The following EPB41L4A variants were observed in gnomAD, a reference collection of about 807,000 sequenced individuals.
The protein encoded by EPB41L4A is erythrocyte membrane protein band 4.1 like 4A.
Under a neutral mutation model 108.6 loss-of-function variants are expected in EPB41L4A, and 100 were observed. That is an observed-to-expected ratio of 0.92 (90% confidence interval 0.78 to 1.09). EPB41L4A has a LOEUF of 1.09. Among genes scored for constraint, EPB41L4A ranks in the 50% least tolerant of loss-of-function variants. EPB41L4A has a pLI of 0.00. For missense variants in EPB41L4A, 1,030 were observed against 842.7 expected (o/e 1.22, Z -2.75); for synonymous variants, 319 against 289.0 (o/e 1.10, Z -1.05).
At chr5:112,365,841 TTTGTC>T in intron 1 of EPB41L4A, among the ~76,000 whole-genome samples, 1 of 152,050 alleles carries the variant, frequency 6.6e-6, no homozygotes, top group Admixed American at 6.6e-5. Flanking sequence ...TCAATTTGAG[TTTGTC>T]TTAAGATTTT....
intron 1 of EPB41L4A, among the ~76,000 whole-genome samples, chr5:112,320,422 C>T (rs1455761532): frequency 6.6e-6 from 1 of 152,240 alleles, no homozygotes; most frequent in Non-Finnish European, 1.5e-5. Flanking sequence ...AGAAACATTT[C>T]ACTGAAGTCA....
intron 12 of EPB41L4A, among the ~76,000 whole-genome samples, chr5:112,219,585 C>T (rs1285059831): frequency 1.3e-5 from 2 of 152,068 alleles, no homozygotes; most frequent in African/African-American, 4.8e-5. Context: ...GACCATAAAG[C>T]TCTAAATGTA....
At chr5:112,181,367 C>T (rs1023856913) in intron 18 of EPB41L4A, among the ~76,000 whole-genome samples, 10 of 152,070 alleles carry the variant, frequency 6.6e-5, no homozygotes, top group African/African-American at 2.2e-4. Flanking sequence ...AGGAGAATGG[C>T]GTGGAACCCG....
Position 112,205,486 on chromosome 5 carries a change from A to G in EPB41L4A, c.1197T>C (p.Asn399=). The G allele has an allele frequency of 6.2e-7, 1 of 1,610,186 alleles. No homozygotes were observed. The highest frequency in any genetic ancestry group is 8.5e-7 in the Non-Finnish European group (1 of 1,178,912). Reference sequence around the variant, plus strand: ...TTCTTTGGGTATCAGGGCTATTTTCATTCTTTGCTTTCTTAAAGCTTTAAT... The same window carrying G: ...TTCTTTGGGTATCAGGGCTATTTTCGTTCTTTGCTTTCTTAAAGCTTTAAT... The part of the protein sequence containing the change: ...SPVKSFKKAK[N]ENSPDTQRSK... The change falls in exon 14 of 23, where the codon AAT becomes AAC. Residue 399 remains asparagine (N), a synonymous_variant. Coordinates refer to ENST00000261486, the MANE Select transcript of EPB41L4A (RefSeq NM_022140.5).
At chr5:112,195,217 G>A (rs534875291) in intron 16 of EPB41L4A, among the ~76,000 whole-genome samples, 17 of 152,180 alleles carry the variant, frequency 1.1e-4, no homozygotes, top group African/African-American at 4.1e-4. Context: ...GAGAAACTAT[G>A]CAGAGAGGTC....
At chr5:112,330,587 G>A (rs529833212) in intron 1 of EPB41L4A, among the ~76,000 whole-genome samples, 22 of 152,040 alleles carry the variant, frequency 1.4e-4, no homozygotes, top group African/African-American at 5.1e-4. Flanking sequence ...AATCCATACT[G>A]CAGATGAGAA....
At chr5:112,249,861 C>T (rs1216113067) in intron 9 of EPB41L4A, among the ~76,000 whole-genome samples, 3 of 152,126 alleles carry the variant, frequency 2.0e-5, no homozygotes, top group Admixed American at 6.6e-5. Flanking sequence ...CTTTAATGCG[C>T]TAATATGTAC....
Position 112,332,232 on chromosome 5 carries a change from A to G in EPB41L4A, c.100-24742T>C, listed in dbSNP as rs115707725. 9.3e-3 allele frequency among the ~76,000 whole-genome samples: 1,416 copies of G among 152,312 alleles called. 24 individuals are homozygous for G. Among genetic ancestry groups the G allele is most frequent in the African/African-American group, 0.032 (1,351 of 41,584 alleles). On this transcript the variant is annotated intron_variant, in intron 1 of 22. Coordinates refer to ENST00000261486, the MANE Select transcript of EPB41L4A (RefSeq NM_022140.5). ...ACAGTCTTTTTGTTTTTAGTTCTCT[A>G]TTCCTAACTATCATCCCATCTTTCT... is the stretch of plus-strand genomic sequence containing the variant.
chr5:112,161,285 C>G, downstream of EPB41L4A: 1 of 340,136 alleles, frequency 2.9e-6, no homozygotes, highest in East Asian at 8.0e-5. Context: ...GAGTGATCAC[C>G]TACCCTACAG....
At chr5:112,159,914 T>C (rs1759790071), downstream of EPB41L4A, among the ~76,000 whole-genome samples, 1 of 151,186 alleles carries the variant, frequency 6.6e-6, no homozygotes, top group Admixed American at 6.6e-5. Flanking sequence ...TTTTTTTTTT[T>C]TTTTTGAGAC....
chr5:112,159,245 T>C (rs1759761941), downstream of EPB41L4A, among the ~76,000 whole-genome samples: 1 of 152,178 alleles, frequency 6.6e-6, no homozygotes, highest in Non-Finnish European at 1.5e-5. Flanking sequence ...ACTTGATGTG[T>C]TCGGAGATAA....
chr5:112,385,478 G>C (rs929242396), intron 1 of EPB41L4A, among the ~76,000 whole-genome samples: 2 of 124,472 alleles, frequency 1.6e-5, no homozygotes, highest in African/African-American at 6.1e-5. Context: ...TTAAGCCTCT[G>C]AACTGCCAGC....
At chr5:112,229,387 T>C (rs1186519897) in intron 12 of EPB41L4A, among the ~76,000 whole-genome samples, 3 of 152,158 alleles carry the variant, frequency 2.0e-5, no homozygotes, top group Non-Finnish European at 2.9e-5. Context: ...TAAATAACTC[T>C]TGTGGGGTAT....
At chr5:112,241,547 A>T (rs1749786957) in intron 9 of EPB41L4A, among the ~76,000 whole-genome samples, 1 of 152,228 alleles carries the variant, frequency 6.6e-6, no homozygotes, top group South Asian at 2.1e-4. Context: ...AATCAAAAAT[A>T]TTCAGAAAAA....
rs572085564 is a variant in EPB41L4A at position 112,193,959 on chromosome 5, C to T, written c.1502+609G>A. Among the ~76,000 whole-genome samples, 5 of 152,282 alleles carry T rather than the reference C, an allele frequency of 3.3e-5. No individual in the cohort carries two copies. In the East Asian group the frequency reaches 9.7e-4, roughly 29 times the overall value. The stretch of plus-strand genomic sequence containing the variant: ...CCCAAGGTGCTCTTTTCATTAATGA[C>T]ACAAATACTTCTTGTTTTCGAGTGC... On this transcript the variant is annotated intron_variant, in intron 17 of 22. Transcript: ENST00000261486.
chr5:112,232,245 G>C (rs1419340503), intron 12 of EPB41L4A, among the ~76,000 whole-genome samples: 3 of 152,098 alleles, frequency 2.0e-5, no homozygotes, highest in Admixed American at 1.3e-4. Context: ...TTTGTCCTCT[G>C]ATGCCCATGT....
At chr5:112,332,908 C>T (rs1292452356) in intron 1 of EPB41L4A, among the ~76,000 whole-genome samples, 1 of 152,202 alleles carries the variant, frequency 6.6e-6, no homozygotes, top group African/African-American at 2.4e-5. Flanking sequence ...AACATACCAT[C>T]AAGACATTAG....
At chr5:112,160,058 C>T (rs1429944557), downstream of EPB41L4A, among the ~76,000 whole-genome samples, 9 of 151,338 alleles carry the variant, frequency 5.9e-5, 3 homozygotes, top group Admixed American at 5.9e-4. Context: ...TTATAGACGC[C>T]CGCCACCAAG....
rs1752568036 is a variant in EPB41L4A, at chr5:112,275,489, T to C, written c.257-85A>G. On this transcript the variant is annotated intron_variant, in intron 3 of 22. Coordinates refer to ENST00000261486, the MANE Select transcript of EPB41L4A (RefSeq NM_022140.5). ...ATAATATTATACAGCTATTTACAATTACACTCCAAGATTGTCTAAAGAAAC... is the reference window on the plus strand; with the variant it reads ...ATAATATTATACAGCTATTTACAATCACACTCCAAGATTGTCTAAAGAAAC... 5.9e-6 allele frequency: 8 copies of C among 1,362,878 alleles called. No homozygotes were observed. In the Admixed American group the frequency reaches 1.7e-4, roughly 29 times the overall value. The allele number at this position is 1,362,878 out of a possible 1,614,324, so 84.4% of individuals were successfully genotyped here.
Sources: allele counts gnomAD v4.1 joint callset (sites outside exome capture counted in the v4.1 genomes callset), GRCh38; gene constraint gnomAD v4.1.1; transcripts MANE v1.5; gene names NCBI Gene and HGNC (gene_info 2026-07-23, HGNC 2026-07-21).